Variants in ANTXR1 observed in about 807,000 individuals in gnomAD.
The protein encoded by ANTXR1 is ANTXR cell adhesion molecule 1.
In ANTXR1, 19 loss-of-function variants were observed where a neutral mutation model predicts 78.1. The ratio of observed to expected loss-of-function variants is 0.24; its 90% CI spans 0.17 to 0.36. ANTXR1 has a LOEUF of 0.36. Ranked by LOEUF, ANTXR1 falls within the 10% of genes least tolerant of loss-of-function variation. The pLI is 1.00. For missense variants in ANTXR1, 518 were observed against 718.6 expected (o/e 0.72, Z 3.19); for synonymous variants, 273 against 260.5 (o/e 1.05, Z -0.46).
intron 12 of ANTXR1, among the ~76,000 whole-genome samples, chr2:69,142,561 G>A (rs1673098557): frequency 6.6e-6 from 1 of 152,204 alleles, no homozygotes; most frequent in Non-Finnish European, 1.5e-5. Context: ...TCAATGACAA[G>A]GGCCATGATT....
intron 16 of ANTXR1, among the ~76,000 whole-genome samples, chr2:69,188,655 G>A (rs1674481236): frequency 6.6e-6 from 1 of 152,240 alleles, no homozygotes; most frequent in Non-Finnish European, 1.5e-5. Context: ...AGGGCTTGAG[G>A]CTTGTGGATA....
chr2:69,060,976 C>A (rs1050897218), intron 3 of ANTXR1, among the ~76,000 whole-genome samples: 2 of 151,980 alleles, frequency 1.3e-5, no homozygotes, highest in African/African-American at 4.8e-5. Context: ...ATAAAAACAC[C>A]ACATATAAGA....
intron 1 of ANTXR1, among the ~76,000 whole-genome samples, chr2:69,034,224 A>G (rs1421339247): frequency 1.3e-4 from 20 of 152,140 alleles, no homozygotes. Flanking sequence ...TTCAGCAACA[A>G]CCTTCTGGGT....
intron 7 of ANTXR1, chr2:69,077,206 C>A (rs1180702460): frequency 1.6e-6 from 1 of 615,616 alleles, no homozygotes; most frequent in Non-Finnish European, 2.9e-6. Context: ...TGGAGCCAAC[C>A]CTTGGCCTGC....
chr2:69,228,079 G>C (rs1675502209), intron 17 of ANTXR1, among the ~76,000 whole-genome samples: 1 of 152,204 alleles, frequency 6.6e-6, no homozygotes, highest in Non-Finnish European at 1.5e-5. Flanking sequence ...TGGAAAGATA[G>C]AGCCTATTAA....
chr2:69,194,134 G>A (rs1674607932), intron 17 of ANTXR1, among the ~76,000 whole-genome samples: 1 of 152,198 alleles, frequency 6.6e-6, no homozygotes, highest in African/African-American at 2.4e-5. Context: ...AAGAGAAGTT[G>A]AATAGCTTGT....
chr2:69,185,911 G>A (rs892736615), intron 16 of ANTXR1, among the ~76,000 whole-genome samples: 2 of 152,178 alleles, frequency 1.3e-5, no homozygotes, highest in Non-Finnish European at 2.9e-5. Flanking sequence ...CTTTTGCCTG[G>A]TGGAACAGCC....
chr2:69,109,549 C>T (rs1671915343), intron 10 of ANTXR1, among the ~76,000 whole-genome samples: 2 of 152,290 alleles, frequency 1.3e-5, no homozygotes, highest in Non-Finnish European at 2.9e-5. Flanking sequence ...GAACCAAACA[C>T]TTAGGTGAAT....
intron 10 of ANTXR1, among the ~76,000 whole-genome samples, chr2:69,104,048 C>T (rs2104323857): frequency 6.6e-6 from 1 of 151,578 alleles, no homozygotes; most frequent in East Asian, 1.9e-4. Context: ...AAGCGATTCT[C>T]CTGCCTCAGC....
At chr2:69,108,279 AAAT>A (rs1346203399) in intron 10 of ANTXR1, among the ~76,000 whole-genome samples, 4 of 152,232 alleles carry the variant, frequency 2.6e-5, no homozygotes, top group Non-Finnish European at 5.9e-5. Context: ...CATTGCTCTA[AAAT>A]AATGCTTGTG....
At chr2:69,151,629 C>T (rs1229721369) in intron 12 of ANTXR1, among the ~76,000 whole-genome samples, 1 of 152,164 alleles carries the variant, frequency 6.6e-6, no homozygotes, top group Non-Finnish European at 1.5e-5. Context: ...GTTCAGCAGC[C>T]GTTGCTCTGC....
At chr2:69,193,511 T>A (rs1221426519) in intron 17 of ANTXR1, 96 bp downstream of exon 17, 2 of 1,127,090 alleles carry the variant, frequency 1.8e-6, no homozygotes, top group Non-Finnish European at 2.7e-6. Context: ...TCTCTCTCCA[T>A]CTTTGTAGAG....
At chr2:69,197,226 A>T (rs1456017836) in intron 17 of ANTXR1, among the ~76,000 whole-genome samples, 1 of 152,328 alleles carries the variant, frequency 6.6e-6, no homozygotes, top group South Asian at 2.1e-4. Flanking sequence ...AGCACATCTG[A>T]TTCTAAGATT....
chr2:69,106,014 T>A (rs1671796600), intron 10 of ANTXR1, among the ~76,000 whole-genome samples: 1 of 152,236 alleles, frequency 6.6e-6, no homozygotes, highest in Non-Finnish European at 1.5e-5. Flanking sequence ...GTCTTAAAAC[T>A]TAATTTAAAA....
At chr2:69,042,530 G>T (rs916191988) in intron 2 of ANTXR1, among the ~76,000 whole-genome samples, 1 of 151,970 alleles carries the variant, frequency 6.6e-6, no homozygotes, top group African/African-American at 2.4e-5. Context: ...CCTTTCCCCT[G>T]GCTCCTTCCC....
intron 17 of ANTXR1, among the ~76,000 whole-genome samples, chr2:69,209,076 A>T (rs1674974807): frequency 1.3e-5 from 2 of 152,216 alleles, no homozygotes; most frequent in Admixed American, 6.5e-5. Flanking sequence ...TTATTAAAGC[A>T]AACAAGCATT....
intron 8 of ANTXR1, among the ~76,000 whole-genome samples, chr2:69,082,675 C>T (rs1471672804): frequency 6.6e-6 from 1 of 151,950 alleles, no homozygotes; most frequent in Admixed American, 6.6e-5. Flanking sequence ...AACACTCGGC[C>T]TGGTTACCGT....
At chr2:69,175,333 G>A (rs1168428883) in intron 14 of ANTXR1, among the ~76,000 whole-genome samples, 3 of 152,146 alleles carry the variant, frequency 2.0e-5, no homozygotes, top group Non-Finnish European at 4.4e-5. Context: ...CTGGGAGCTT[G>A]GTATGGTGAC....
At chr2:69,015,891 T>C (rs1361360384) in intron 1 of ANTXR1, among the ~76,000 whole-genome samples, 1 of 152,142 alleles carries the variant, frequency 6.6e-6, no homozygotes, top group Non-Finnish European at 1.5e-5. Context: ...GGAAATAGCC[T>C]AAGTGCATAA....
Sources: gnomAD v4.1 joint callset for allele counts (sites outside exome capture counted in the v4.1 genomes callset) on GRCh38, gnomAD v4.1.1 for gene constraint, MANE v1.5 for transcripts, NCBI Gene and HGNC (gene_info 2026-07-23, HGNC 2026-07-21) for gene names.